Variants in LRP6 observed in about 807,000 individuals in gnomAD.
The protein encoded by LRP6 is LDL receptor related protein 6.
LRP6 carries 43 observed loss-of-function variants against 184.1 expected under a neutral mutation model. The ratio of observed to expected loss-of-function variants is 0.23; its 90% confidence interval spans 0.18 to 0.30. The LOEUF (loss-of-function observed/expected upper bound fraction) is 0.30, where lower values mean the gene tolerates loss of function less well. Ranked by LOEUF, LRP6 falls within the 10% of genes least tolerant of loss-of-function variation. LRP6 has a pLI of 1.00. For missense variants in LRP6, 1,571 were observed against 2,005.3 expected, an observed-to-expected ratio of 0.78 and a Z score of 4.14; for synonymous variants, 719 against 684.9, an observed-to-expected ratio of 1.05 and a Z score of -0.78.
At chr12:12,181,787 C>G in intron 5 of LRP6, among the ~76,000 whole-genome samples, 1 of 152,174 alleles carries the variant, frequency 6.6e-6, no homozygotes, top group Middle Eastern at 3.4e-3. Flanking sequence ...GGATATAGAT[C>G]CTTTGTTCAA....
At chr12:12,157,383 C>A (rs1862618703) in intron 12 of LRP6, among the ~76,000 whole-genome samples, 1 of 152,064 alleles carries the variant, frequency 6.6e-6, no homozygotes, top group African/African-American at 2.4e-5. Flanking sequence ...ACTGGTCTAA[C>A]TGACTTCCCT....
intron 2 of LRP6, 47 bp from the exon 3 acceptor site, chr12:12,203,447 T>C (rs755735252): frequency 7.0e-7 from 1 of 1,418,790 alleles, no homozygotes; most frequent in Non-Finnish European, 1.0e-6. Flanking sequence ...CAGATATCAA[T>C]CAAATACTCT....
intron 3 of LRP6, among the ~76,000 whole-genome samples, chr12:12,191,139 T>C (rs919967033): frequency 3.9e-5 from 6 of 152,200 alleles, no homozygotes; most frequent in African/African-American, 1.4e-4. Context: ...TGAGGTGTTC[T>C]GGCCACTTCA....
chr12:12,154,338 C>T (rs1300315096), intron 12 of LRP6, among the ~76,000 whole-genome samples: 1 of 152,142 alleles, frequency 6.6e-6, no homozygotes, highest in African/African-American at 2.4e-5. Flanking sequence ...TAAGAACTTC[C>T]CTAATCACCC....
intron 10 of LRP6, 34 bp from the exon 11 acceptor site, chr12:12,159,998 A>AT (rs1565579339): frequency 6.8e-7 from 1 of 1,462,316 alleles, no homozygotes; most frequent in South Asian, 1.2e-5. Flanking sequence ...TAACATTTCA[A>AT]TTTTTTATTA....
At chr12:12,240,503 C>T (rs1386439090) in intron 2 of LRP6, among the ~76,000 whole-genome samples, 1 of 152,130 alleles carries the variant, frequency 6.6e-6, no homozygotes, top group Non-Finnish European at 1.5e-5. Context: ...ACCCAGGAGG[C>T]GGAGCTTGCA....
intron 1 of LRP6, among the ~76,000 whole-genome samples, chr12:12,264,285 A>T (rs1865702138): frequency 6.6e-6 from 1 of 152,198 alleles, no homozygotes; most frequent in Non-Finnish European, 1.5e-5. Flanking sequence ...AAAACACCCA[A>T]TAACCCTGCA....
intron 17 of LRP6, 66 bp from the exon 18 acceptor site, chr12:12,132,123 C>T: frequency 1.0e-6 from 1 of 955,448 alleles, no homozygotes; most frequent in Admixed American, 1.7e-5. Flanking sequence ...AGTACAAACA[C>T]ATACCTGAGT....
chr12:12,172,497 C>T (rs1863072414), intron 7 of LRP6, among the ~76,000 whole-genome samples: 6 of 152,210 alleles, frequency 3.9e-5, no homozygotes, highest in Admixed American at 3.3e-4. Context: ...GTTCAAGGAA[C>T]AGATGCAGGA....
rs1949557215 is a variant in LRP6, at chr12:12,119,028, A to C, written c.*2098T>G. On this transcript the variant is annotated 3_prime_UTR_variant, in exon 23 of 23. Transcript: ENST00000261349. ...CATTTAAGCATCAAGTGCCCTGTGT[A>C]TCACAGAATCCAAGTTCAATGTCCA... The C allele has an allele frequency of 1.3e-5, 2 of 152,232 alleles. No individual in the cohort carries two copies. Among genetic ancestry groups the C allele is most frequent in the Admixed American group, 1.3e-4 (2 of 15,282 alleles). 9.4% of individuals were successfully genotyped at this position (152,232 alleles called of 1,614,324 possible).
chr12:12,243,423 G>C (rs1437176512), intron 2 of LRP6, among the ~76,000 whole-genome samples: 1 of 152,128 alleles, frequency 6.6e-6, no homozygotes, highest in Admixed American at 6.5e-5. Flanking sequence ...TAGTATCACA[G>C]TATCATTGTG....
In LRP6 at chr12:12,138,319, A is replaced by G; in HGVS notation, c.3607+6T>C. 1 of 1,608,250 alleles carries G rather than the reference A, an allele frequency of 6.2e-7. No individual in the cohort carries two copies. The highest frequency in any genetic ancestry group is 8.5e-7 in the Non-Finnish European group (1 of 1,174,676). ...CTCCAATTAGCTTTATCCCATTAAC[A>G]CTTACTGTATTCTTGAAGGTTCAGC... On this transcript the variant is annotated splice_donor_region_variant and intron_variant, in intron 16 of 22. Transcript: ENST00000261349.
chr12:12,158,766 A>G (rs1591897947), intron 12 of LRP6, 63 bp downstream of exon 12: 15 of 1,498,966 alleles, frequency 1.0e-5, no homozygotes, highest in Non-Finnish European at 1.4e-5. Flanking sequence ...AACACACACT[A>G]AAGTACTTTG....
At chr12:12,139,446 G>A (rs1019451321) in intron 15 of LRP6, among the ~76,000 whole-genome samples, 5 of 152,266 alleles carry the variant, frequency 3.3e-5, no homozygotes, top group Admixed American at 1.3e-4. Context: ...ATTTTAGGCC[G>A]GGTGCAGTGG....
Position 12,138,533 on chromosome 12 carries a change from A to G in LRP6, c.3399T>C (p.Gly1133=). ...AGTCTTCTAATACTATCCGGTTAGCACCTTGGAAAAGGAGAAAATTCAACA... is the reference window on the plus strand; with the variant it reads ...AGTCTTCTAATACTATCCGGTTAGCGCCTTGGAAAAGGAGAAAATTCAACA... ...LRRIESSDLS[G]ANRIVLEDSN... is the part of the protein sequence containing the mutation. The change falls in exon 16 of 23, where the codon GGT becomes GGC. Residue 1133 remains glycine, a splice_region_variant and synonymous_variant. Coordinates refer to ENST00000261349, the MANE Select transcript of LRP6 (RefSeq NM_002336.3). 6.2e-7 allele frequency: 1 copy of G among 1,613,420 alleles called. No homozygotes were observed. Among genetic ancestry groups the G allele is most frequent in the Non-Finnish European group, 8.5e-7 (1 of 1,179,400 alleles).
intron 1 of LRP6, among the ~76,000 whole-genome samples, chr12:12,249,839 C>G (rs893872176): frequency 8.5e-5 from 13 of 152,150 alleles, no homozygotes; most frequent in African/African-American, 3.1e-4. Flanking sequence ...GCCATCTCTA[C>G]CTCCCGTTAA....
chr12:12,161,707 C>A (rs1862745843), intron 10 of LRP6, among the ~76,000 whole-genome samples: 1 of 152,206 alleles, frequency 6.6e-6, no homozygotes, highest in African/African-American at 2.4e-5. Flanking sequence ...TTTATTCTAT[C>A]TTGTAATAAC....
chr12:12,199,964 C>CAAAAAAAAAAAAAA (rs146224493), intron 3 of LRP6, among the ~76,000 whole-genome samples: 1 of 45,174 alleles, frequency 2.2e-5, no homozygotes, highest in African/African-American at 9.8e-5. Context: ...GACTCCATCT[C>CAAAAAAAAAAAAAA]AAAAAAAAAA....
chr12:12,199,559 A>G (rs532115834), intron 3 of LRP6, among the ~76,000 whole-genome samples: 1 of 152,242 alleles, frequency 6.6e-6, no homozygotes, highest in East Asian at 1.9e-4. Flanking sequence ...AGCGTCTCTC[A>G]GACAGCTTTC....
Sources: gnomAD v4.1 joint callset for allele counts (sites outside exome capture counted in the v4.1 genomes callset) on GRCh38, gnomAD v4.1.1 for gene constraint, MANE v1.5 for transcripts, NCBI Gene and HGNC (gene_info 2026-07-23, HGNC 2026-07-21) for gene names.